The following PTPRK variants were observed in gnomAD, a reference collection of about 807,000 sequenced individuals.
The protein encoded by PTPRK is protein tyrosine phosphatase receptor type K.
PTPRK carries 75 observed loss-of-function variants against 178.0 expected under a neutral mutation model. That is an observed-to-expected ratio of 0.42 (90% CI 0.35 to 0.51). The LOEUF (loss-of-function observed/expected upper bound fraction) is 0.51. Ranked by LOEUF, PTPRK falls within the 20% of genes least tolerant of loss-of-function variation. PTPRK has a pLI of 0.02. For missense variants in PTPRK, 1,441 were observed against 1,797.8 expected, an observed-to-expected ratio of 0.80 and a Z score of 3.59; for synonymous variants, 637 against 620.6, an observed-to-expected ratio of 1.03 and a Z score of -0.39.
At position 127,986,010 on chromosome 6, in the gene PTPRK, T is replaced by TAA. The variant is rs34209700; in HGVS notation, c.3097-137_3097-136dup. ...CTTTACGAAAGACTATGCCTTTTCTTAAAAAAAAAATATAATAAAATGAAG... is the reference window on the plus strand; with the variant it reads ...CTTTACGAAAGACTATGCCTTTTCTTAAAAAAAAAAAATATAATAAAATGAAG... On this transcript the variant is annotated intron_variant, in intron 21 of 29. Transcript: ENST00000368226. 9.8e-3 allele frequency: 5,931 copies of TAA among 607,228 alleles called. 137 individuals are homozygous for TAA. Among genetic ancestry groups the TAA allele is most frequent in the African/African-American group, 0.074 (3,853 of 52,280 alleles). 37.6% of individuals were successfully genotyped at this position (607,228 alleles called of 1,614,324 possible).
At chr6:128,161,511 C>T (rs1798704154) in intron 7 of PTPRK, among the ~76,000 whole-genome samples, 1 of 151,616 alleles carries the variant, frequency 6.6e-6, no homozygotes. Context: ...CATTCACTGC[C>T]TGAAAGTCAT....
chr6:128,472,009 AAG>A (rs1355160730), intron 1 of PTPRK, among the ~76,000 whole-genome samples: 2 of 151,880 alleles, frequency 1.3e-5, no homozygotes, highest in African/African-American at 4.8e-5. Flanking sequence ...GAGAGAGGAA[AAG>A]AGAGGGGGGA....
At chr6:128,307,675 G>A (rs533194074) in intron 3 of PTPRK, among the ~76,000 whole-genome samples, 2 of 152,004 alleles carry the variant, frequency 1.3e-5, no homozygotes, top group East Asian at 3.9e-4. Flanking sequence ...AACATGAAAG[G>A]GAAAGAAACA....
At chr6:128,439,736 A>G (rs1846051748) in intron 1 of PTPRK, among the ~76,000 whole-genome samples, 1 of 152,190 alleles carries the variant, frequency 6.6e-6, no homozygotes, top group South Asian at 2.1e-4. Context: ...TTGCAAATAG[A>G]TAGACTTCTA....
In PTPRK at chr6:128,005,208, A is replaced by G. The variant is rs1362540323; in HGVS notation, c.2370T>C (p.Asn790=). ...LAKKRKDAMG[N]TRQEMTHMVN... ...CCATGTGAGTCATCTCCTGCCGGGTATTCCCCATGGCATCTTTGCGTTTTT... is the reference window on the plus strand; with the variant it reads ...CCATGTGAGTCATCTCCTGCCGGGTGTTCCCCATGGCATCTTTGCGTTTTT... The change falls in exon 15 of 30, where the codon AAT becomes AAC. Residue 790 remains asparagine, a synonymous_variant. Coordinates refer to ENST00000368226, the MANE Select transcript of PTPRK (RefSeq NM_002844.4). The G allele has an allele frequency of 6.2e-7, 1 of 1,611,352 alleles. No individual in the cohort carries two copies. The highest frequency in any genetic ancestry group is 1.1e-5 in the South Asian group (1 of 90,948).
At chr6:128,085,072 T>C (rs1308362599) in intron 8 of PTPRK, 1 of 152,180 alleles carries the variant, frequency 6.6e-6, no homozygotes, top group African/African-American at 2.4e-5. Context: ...TTTATTTCAA[T>C]CTACAAGGAG....
Position 127,979,859 on chromosome 6 carries a change from C to CTTTTTTTAAA in PTPRK, c.3711+1256_3711+1257insTTTAAAAAAA, listed in dbSNP as rs1183785736. On this transcript the variant is annotated intron_variant, in intron 25 of 29. Coordinates refer to ENST00000368226, the MANE Select transcript of PTPRK (RefSeq NM_002844.4). ...GTAAACTGTTTAAAAAGATTATAAA[C>CTTTTTTTAAA]CATGATAGCTTTCTTGCTTCTTTCC... 3.3e-5 allele frequency among the ~76,000 whole-genome samples: 5 copies of CTTTTTTTAAA among 152,182 alleles called. No individual in the cohort carries two copies. In the East Asian group the frequency reaches 9.6e-4, roughly 29 times the overall value.
chr6:128,457,870 C>T (rs1353909888), intron 1 of PTPRK, among the ~76,000 whole-genome samples: 1 of 152,144 alleles, frequency 6.6e-6, no homozygotes, highest in African/African-American at 2.4e-5. Flanking sequence ...TCTTATTCTA[C>T]CACCTACAGT....
chr6:128,009,009 G>A (rs1213126060), intron 14 of PTPRK, 121 bp downstream of exon 14: 1 of 886,526 alleles, frequency 1.1e-6, no homozygotes, highest in Non-Finnish European at 1.6e-6. Flanking sequence ...TGACAACATT[G>A]TTAAAATTAA....
intron 9 of PTPRK, among the ~76,000 whole-genome samples, chr6:128,083,498 A>AT (rs1446174139): frequency 1.3e-5 from 2 of 152,110 alleles, no homozygotes; most frequent in East Asian, 1.9e-4. Flanking sequence ...AAAAACATGC[A>AT]TTTTTTAAGA....
chr6:128,378,441 G>T (rs1204661949), intron 2 of PTPRK, among the ~76,000 whole-genome samples: 1 of 152,004 alleles, frequency 6.6e-6, no homozygotes, highest in East Asian at 1.9e-4. Flanking sequence ...AACAAAAAAT[G>T]ACATCAAAAG....
intron 1 of PTPRK, among the ~76,000 whole-genome samples, chr6:128,477,970 A>C (rs1338300895): frequency 6.6e-6 from 1 of 152,126 alleles, no homozygotes; most frequent in African/African-American, 2.4e-5. Flanking sequence ...GGCCTAGGAT[A>C]GGAACTGCAC....
intron 7 of PTPRK, among the ~76,000 whole-genome samples, chr6:128,182,328 C>T (rs1802040613): frequency 6.6e-6 from 1 of 152,114 alleles, no homozygotes; most frequent in Admixed American, 6.6e-5. Context: ...GTAATTCAAG[C>T]ACTTTGGTAG....
chr6:128,028,440 T>C (rs1562460977), intron 13 of PTPRK, among the ~76,000 whole-genome samples: 1 of 152,212 alleles, frequency 6.6e-6, no homozygotes, highest in Non-Finnish European at 1.5e-5. Flanking sequence ...TACAGCCCTT[T>C]CTCATATCTG....
At chr6:128,148,882 T>C (rs1796870310) in intron 7 of PTPRK, among the ~76,000 whole-genome samples, 1 of 151,982 alleles carries the variant, frequency 6.6e-6, no homozygotes, top group African/African-American at 2.4e-5. Context: ...TAATTAGCCT[T>C]GGGGGAATGA....
At chr6:128,300,693 C>T (rs1825433846) in intron 3 of PTPRK, among the ~76,000 whole-genome samples, 1 of 113,594 alleles carries the variant, frequency 8.8e-6, no homozygotes, top group Admixed American at 1.3e-4. Context: ...GGGAACATCA[C>T]AGTATGGGGA....
chr6:128,393,557 A>G lies in PTPRK; in HGVS notation c.223+4009T>C, dbSNP rs549146985. 1.1e-3 allele frequency among the ~76,000 whole-genome samples: 162 copies of G among 152,342 alleles called. 1 individual carries two copies. The highest frequency in any genetic ancestry group is 8.7e-3 in the East Asian group (45 of 5,178). Reference sequence around the variant, plus strand: ...GGAAAATCTTCTCAAAGCAGGTAGAACGTGAGAAGACACAGTAAAAATGGG... The same window carrying G: ...GGAAAATCTTCTCAAAGCAGGTAGAGCGTGAGAAGACACAGTAAAAATGGG... On this transcript the variant is annotated intron_variant, in intron 2 of 29. Transcript: ENST00000368226.
At chr6:128,204,123 C>T (rs1015448487) in intron 6 of PTPRK, among the ~76,000 whole-genome samples, 1 of 152,020 alleles carries the variant, frequency 6.6e-6, no homozygotes, top group Non-Finnish European at 1.5e-5. Flanking sequence ...TAAGACTATC[C>T]ACCTACAACC....
At chr6:128,177,974 G>A (rs188390856) in intron 7 of PTPRK, among the ~76,000 whole-genome samples, 3 of 151,650 alleles carry the variant, frequency 2.0e-5, no homozygotes, top group African/African-American at 4.8e-5. Context: ...TGTCCATATA[G>A]ATTTCCTATA....
Sources: allele counts gnomAD v4.1 joint callset (sites outside exome capture counted in the v4.1 genomes callset), GRCh38; gene constraint gnomAD v4.1.1; transcripts MANE v1.5; gene names NCBI Gene and HGNC (gene_info 2026-07-23, HGNC 2026-07-21).